Variants in ABI2 observed in about 807,000 individuals in gnomAD.
ABI2 encodes the protein abl interactor 2.
ABI2 carries 25 observed loss-of-function variants against 59.2 expected under a neutral mutation model. The observed-to-expected ratio is 0.42, with a 90% CI of 0.31 to 0.59. The LOEUF is 0.59. Ranked by LOEUF, ABI2 falls within the 20% of genes least tolerant of loss-of-function variation. ABI2 has a pLI of 0.14. For synonymous variants in ABI2, 213 were observed against 235.5 expected, an observed-to-expected ratio of 0.90 and a Z score of 0.87; for missense variants, 545 against 681.8, an observed-to-expected ratio of 0.80 and a Z score of 2.23.
At chr2:203,396,597 G>A (rs1559326716) in intron 7 of ABI2, among the ~76,000 whole-genome samples, 188 bp from the exon 8 acceptor site, 1 of 152,176 alleles carries the variant, frequency 6.6e-6, no homozygotes, top group African/African-American at 2.4e-5. Context: ...ACATTACCCT[G>A]AGCATCTTGA....
intron 2 of ABI2, chr2:203,376,130 GAGGTA>G: frequency 6.5e-7 from 1 of 1,533,068 alleles, no homozygotes; most frequent in Non-Finnish European, 8.7e-7. Flanking sequence ...GAGATTGAAT[GAGGTA>G]AGGGACCAGC....
intron 1 of ABI2, among the ~76,000 whole-genome samples, chr2:203,346,078 AGGT>A (rs1427567252): frequency 6.6e-6 from 1 of 150,814 alleles, no homozygotes; most frequent in Non-Finnish European, 1.5e-5. Flanking sequence ...TGAACTGGGG[AGGT>A]GGTGGTTGCA....
At chr2:203,401,622 A>G (rs2097222532) in intron 8 of ABI2, among the ~76,000 whole-genome samples, 1 of 152,204 alleles carries the variant, frequency 6.6e-6, no homozygotes, top group African/African-American at 2.4e-5. Context: ...GGATGATATT[A>G]AAAATAAGAT....
intron 2 of ABI2, among the ~76,000 whole-genome samples, chr2:203,378,844 C>T (rs931383088): frequency 1.3e-5 from 2 of 152,036 alleles, no homozygotes; most frequent in African/African-American, 4.8e-5. Context: ...GACTGCGACA[C>T]ACAGGAAAAA....
chr2:203,411,946 C>T (rs137904261), intron 10 of ABI2, among the ~76,000 whole-genome samples: 1 of 152,318 alleles, frequency 6.6e-6, no homozygotes, highest in African/African-American at 2.4e-5. Flanking sequence ...CCTGTATCAA[C>T]ATTCAGTGAG....
At chr2:203,356,141 C>T (rs1421981006) in intron 1 of ABI2, among the ~76,000 whole-genome samples, 1 of 152,000 alleles carries the variant, frequency 6.6e-6, no homozygotes, top group Non-Finnish European at 1.5e-5. Context: ...GTACTGCACA[C>T]TTAATGAGTG....
intron 11 of ABI2, among the ~76,000 whole-genome samples, chr2:203,420,593 C>A (rs952209725): frequency 2.0e-5 from 3 of 152,050 alleles, no homozygotes; most frequent in Non-Finnish European, 4.4e-5. Flanking sequence ...CAGGGTTTCA[C>A]CATGTTAGCC....
intron 2 of ABI2, among the ~76,000 whole-genome samples, chr2:203,378,067 C>T (rs747798616): frequency 5.9e-5 from 9 of 151,868 alleles, no homozygotes; most frequent in African/African-American, 1.9e-4. Flanking sequence ...GCCTAACATG[C>T]GTAGAAAAGT....
intron 2 of ABI2, among the ~76,000 whole-genome samples, chr2:203,370,043 A>G (rs1368781756): frequency 6.6e-6 from 1 of 152,182 alleles, no homozygotes; most frequent in African/African-American, 2.4e-5. Context: ...TTCTGCTTAC[A>G]AAACAAATAG....
intron 4 of ABI2, among the ~76,000 whole-genome samples, chr2:203,384,312 T>TTGTTTTTG (rs1559289684): frequency 0.046 from 3,388 of 73,952 alleles, 241 homozygotes; most frequent in African/African-American, 0.15. Flanking sequence ...TTTTTTTTTT[T>TTGTTTTTG]TTTTTTTTTT....
At position 203,394,836 on chromosome 2, in the gene ABI2, C is replaced by G. The variant is rs765445473; in HGVS notation, c.715C>G (p.Arg239Gly). ...VRTASVNQRN[R>G]TYSSSGSSGG... ...GACAGCTTCTGTGAATCAAAGAAAT[C>G]GAACTTACAGGTATTTTCTCTACCT... The change falls in exon 6 of 12, where the codon CGA (arginine) becomes GGA (glycine). Residue 239 changes from arginine to glycine, a missense_variant. This residue lies in a region of ABI2 where 410 missense variants were observed against 435.6 expected (regional missense o/e 0.94). Coordinates refer to ENST00000261018, the MANE Select transcript of ABI2 (RefSeq NM_001375670.1). 1.2e-6 allele frequency: 2 copies of G among 1,614,018 alleles called. No homozygotes were observed. Among genetic ancestry groups the G allele is most frequent in the Admixed American group, 3.3e-5 (2 of 60,010 alleles).
intron 1 of ABI2, among the ~76,000 whole-genome samples, chr2:203,355,817 G>A (rs2091632377): frequency 9.8e-6 from 1 of 102,406 alleles, no homozygotes; most frequent in Admixed American, 1.3e-4. Context: ...GGCAACAAGA[G>A]CAAAACTGTC....
intron 11 of ABI2, among the ~76,000 whole-genome samples, chr2:203,419,470 G>A (rs1328685176): frequency 1.3e-5 from 2 of 151,680 alleles, no homozygotes; most frequent in Non-Finnish European, 2.9e-5. Flanking sequence ...CCGGGTTCAC[G>A]CCATTCTCCT....
chr2:203,353,324 A>G (rs1441246650), intron 1 of ABI2, among the ~76,000 whole-genome samples: 2 of 152,222 alleles, frequency 1.3e-5, no homozygotes, highest in Non-Finnish European at 2.9e-5. Context: ...CTACCATTCA[A>G]GCGCTTCATA....
chr2:203,421,831 G>C (rs147480700), intron 11 of ABI2, among the ~76,000 whole-genome samples: 1 of 152,048 alleles, frequency 6.6e-6, no homozygotes, highest in African/African-American at 2.4e-5. Flanking sequence ...GGGTGTGGTG[G>C]TGCACGCCTG....
chr2:203,346,647 G>A (rs2083791271), intron 1 of ABI2, among the ~76,000 whole-genome samples: 1 of 152,266 alleles, frequency 6.6e-6, no homozygotes, highest in East Asian at 1.9e-4. Flanking sequence ...AACTTGTGCT[G>A]TTCTCTTTCT....
At chr2:203,360,830 C>G (rs549873248) in intron 1 of ABI2, among the ~76,000 whole-genome samples, 1 of 152,324 alleles carries the variant, frequency 6.6e-6, no homozygotes, top group South Asian at 2.1e-4. Flanking sequence ...ATTGACTCAA[C>G]ACAAGGTTAA....
intron 3 of ABI2, among the ~76,000 whole-genome samples, 156 bp from the exon 4 acceptor site, chr2:203,382,033 C>T (rs749475110): frequency 2.0e-5 from 3 of 152,248 alleles, no homozygotes; most frequent in East Asian, 3.9e-4. Context: ...CTGCTTTAAC[C>T]ACTCTTTCTA....
At chr2:203,415,746 T>G (rs2153539849) in intron 10 of ABI2, among the ~76,000 whole-genome samples, 1 of 152,082 alleles carries the variant, frequency 6.6e-6, no homozygotes, top group African/African-American at 2.4e-5. Context: ...AAATAAGAAT[T>G]AGTGCTGTTC....
Sources: gnomAD v4.1 joint callset for allele counts (sites outside exome capture counted in the v4.1 genomes callset) on GRCh38, gnomAD v4.1.1 for gene constraint, gnomAD v4.1.1 regional missense constraint, MANE v1.5 for transcripts, NCBI Gene and HGNC (gene_info 2026-07-23, HGNC 2026-07-21) for gene names.